Variants in DNAH5 observed in about 807,000 individuals in gnomAD.
The protein encoded by DNAH5 is dynein axonemal heavy chain 5, also known as axonemal beta dynein heavy chain 5.
In DNAH5, 372 loss-of-function variants were observed where a neutral mutation model predicts 518.2. That is an observed-to-expected ratio of 0.72 (90% CI 0.66 to 0.78). The LOEUF is 0.78. Ranked by LOEUF, DNAH5 falls within the 30% of genes least tolerant of loss-of-function variation. The pLI is 0.00. For synonymous variants in DNAH5, 2,039 were observed against 2,025.9 expected, an observed-to-expected ratio of 1.01 and a Z score of -0.17; for missense variants, 5,523 against 5,687.0, an observed-to-expected ratio of 0.97 and a Z score of 0.93.
intron 1 of DNAH5, among the ~76,000 whole-genome samples, chr5:13,974,670 G>T (rs1163046853): frequency 6.6e-6 from 1 of 152,114 alleles, no homozygotes; most frequent in African/African-American, 2.4e-5. Flanking sequence ...GTGCCTGCAT[G>T]ACACCCTTTG....
rs1447289286 is a variant in DNAH5 at position 13,753,531 on chromosome 5, G to A, written c.10574C>T (p.Thr3525Ile). The A allele has an allele frequency of 6.2e-7, 1 of 1,613,630 alleles. No homozygotes were observed. Among genetic ancestry groups the A allele is most frequent in the Non-Finnish European group, 8.5e-7 (1 of 1,179,800 alleles). ...KRLVGDVLLA[T>I]AFLSYSGPFN... is the part of the protein sequence containing the mutation. ...TGGACCAGAATAAGATAGAAAAGCTGTAGCCAACAGTACATCCCCTAAAAT... is the reference window on the plus strand; with the variant it reads ...TGGACCAGAATAAGATAGAAAAGCTATAGCCAACAGTACATCCCCTAAAAT... The change falls in exon 63 of 79, where the codon ACA becomes ATA. Residue 3525 changes from threonine to isoleucine, a missense_variant. Thr to Ile is a moderately conservative substitution (Grantham distance 89, BLOSUM62 -1). This residue lies in a region of DNAH5 where 5,121 missense variants were observed against 5,223.3 expected (regional missense o/e 0.98). Transcript: ENST00000265104.
At chr5:13,904,885 TG>T (rs892053283) in intron 12 of DNAH5, among the ~76,000 whole-genome samples, 107 of 152,128 alleles carry the variant, frequency 7.0e-4, no homozygotes, top group African/African-American at 2.5e-3. Context: ...CACTCCAGCC[TG>T]GGTGACAGAG....
chr5:13,766,140 C>G lies in DNAH5; in HGVS notation c.9937G>C (p.Gly3313Arg). ...PSDIATVRTL[G>R]RPPHLIMRIM... The stretch of plus-strand genomic sequence containing the variant: ...CGCATGATGAGGTGAGGGGGGCGGC[C>G]CAACGTGCGAACAGTGGCGATGTCC... Residue 3313 changes from glycine (G) to arginine (R), a missense_variant, in exon 59 of 79, where the codon GGC becomes CGC. Around this residue, in one of 3 missense-constraint regions of DNAH5, gnomAD observed 5,121 missense variants for 5,223.3 expected, o/e 0.98. Transcript: ENST00000265104. 2 of 1,614,156 alleles carry G rather than the reference C, an allele frequency of 1.2e-6. No homozygotes were observed. Among genetic ancestry groups the G allele is most frequent in the Non-Finnish European group, 1.7e-6 (2 of 1,180,018 alleles).
chr5:13,751,182 A>G lies in DNAH5; in HGVS notation c.11107T>C (p.Tyr3703His). ...YITTKLPNPA[Y>H]TPEISARTSI... ...GTACGGGCACTTATCTCAGGGGTGT[A>G]GGCTGGGTTAGGCAATTTGGTGGTA... Residue 3703 changes from tyrosine to histidine, a missense_variant, in exon 65 of 79, where the codon TAC becomes CAC. Around this residue, in one of 3 missense-constraint regions of DNAH5, gnomAD observed 5,121 missense variants for 5,223.3 expected, o/e 0.98. Coordinates refer to ENST00000265104, the MANE Select transcript of DNAH5 (RefSeq NM_001369.3). The G allele has an allele frequency of 1.9e-6, 3 of 1,613,998 alleles. No individual in the cohort carries two copies. The highest frequency in any genetic ancestry group is 1.3e-5 in the African/African-American group (1 of 75,032).
intron 47 of DNAH5, among the ~76,000 whole-genome samples, chr5:13,805,872 C>A (rs1278138950): frequency 6.6e-6 from 1 of 152,086 alleles, no homozygotes; most frequent in Non-Finnish European, 1.5e-5. Flanking sequence ...CTCTTGAGAA[C>A]CCCTGAGCTT....
chr5:13,786,185 T>C lies in DNAH5; in HGVS notation c.8814A>G (p.Leu2938=). The change falls in exon 52 of 79, where the codon TTA becomes TTG. Residue 2938 remains leucine (L), a synonymous_variant. Coordinates refer to ENST00000265104, the MANE Select transcript of DNAH5 (RefSeq NM_001369.3). The part of the protein sequence containing the change: ...MVFFADAMVH[L]VKISRVIRTP... Reference sequence around the variant, plus strand: ...CTCAGAGTGGCTACTGTACCTTGACTAAGTGAACCATGGCATCTGCAAAGA... The same window carrying C: ...CTCAGAGTGGCTACTGTACCTTGACCAAGTGAACCATGGCATCTGCAAAGA... 3 of 1,613,928 alleles carry C rather than the reference T, an allele frequency of 1.9e-6. No individual in the cohort carries two copies. The highest frequency in any genetic ancestry group is 1.7e-6 in the Non-Finnish European group (2 of 1,179,914).
At position 13,786,245 on chromosome 5, in the gene DNAH5, A is replaced by C; in HGVS notation, c.8754T>G (p.Asn2918Lys). 6.2e-7 allele frequency: 1 copy of C among 1,614,102 alleles called. No homozygotes were observed. The highest frequency in any genetic ancestry group is 8.5e-7 in the Non-Finnish European group (1 of 1,179,996). The change falls in exon 52 of 79, where the codon AAT (asparagine) becomes AAG (lysine). Residue 2918 changes from asparagine to lysine, a missense_variant. By Grantham distance (94) the Asn-to-Lys change is moderately conservative. This residue lies in a region of DNAH5 where 5,121 missense variants were observed against 5,223.3 expected (regional missense o/e 0.98). Coordinates refer to ENST00000265104, the MANE Select transcript of DNAH5 (RefSeq NM_001369.3). The stretch of plus-strand genomic sequence containing the variant: ...CCATGCCGGCGCCACGGATGCTCTC[A>C]TTATAGAGCTGCAGGAACATATTCA... ...ERLNMFLQLY[N>K]ESIRGAGMDM...
At chr5:13,794,576 GACACAGAGTGA>G (rs111962979) in intron 47 of DNAH5, among the ~76,000 whole-genome samples, 2,874 of 152,244 alleles carry the variant, frequency 0.019, 74 homozygotes, top group African/African-American at 0.065. Context: ...CTCATTCCCT[GACACAGAGTGA>G]ACAAAGCTCA....
At chr5:13,704,203 C>G (rs1463699544) in intron 76 of DNAH5, among the ~76,000 whole-genome samples, 2 of 152,174 alleles carry the variant, frequency 1.3e-5, no homozygotes, top group Non-Finnish European at 2.9e-5. Flanking sequence ...GGTGGAAAGA[C>G]AGAGATACAG....
chr5:13,830,882 T>G, intron 35 of DNAH5, 107 bp from the exon 36 acceptor site: 1 of 1,035,216 alleles, frequency 9.7e-7, no homozygotes, highest in Non-Finnish European at 1.5e-6. Flanking sequence ...CAAAAGGCCA[T>G]TGTCCCTACC....
chr5:13,894,522 T>C, intron 16 of DNAH5, 128 bp downstream of exon 16: 1 of 1,022,316 alleles, frequency 9.8e-7, no homozygotes. Flanking sequence ...CACTTCCTTA[T>C]GAAACAGCTT....
chr5:13,870,676 A>G (rs1769957922), intron 24 of DNAH5, 91 bp downstream of exon 24: 2 of 1,148,292 alleles, frequency 1.7e-6, no homozygotes, highest in African/African-American at 3.1e-5. Context: ...GTAACCATTT[A>G]GTAACTTCAC....
At chr5:13,851,650 C>T (rs1268226554) in intron 30 of DNAH5, among the ~76,000 whole-genome samples, 1 of 151,978 alleles carries the variant, frequency 6.6e-6, no homozygotes, top group Admixed American at 6.6e-5. Flanking sequence ...CTGTATGTCA[C>T]CAATGAGTAT....
intron 73 of DNAH5, 112 bp from the exon 74 acceptor site, chr5:13,716,802 C>T: frequency 1.3e-6 from 1 of 768,876 alleles, no homozygotes; most frequent in Non-Finnish European, 2.3e-6. Context: ...AGTCACTCTT[C>T]ATCAGTACTG....
chr5:13,747,277 C>A (rs1310746488), intron 65 of DNAH5, among the ~76,000 whole-genome samples: 1 of 152,120 alleles, frequency 6.6e-6, no homozygotes, highest in Non-Finnish European at 1.5e-5. Context: ...TTTTCTTAAT[C>A]CAGTCTATCA....
At chr5:13,740,056 G>A (rs1325453100) in intron 65 of DNAH5, among the ~76,000 whole-genome samples, 2 of 151,922 alleles carry the variant, frequency 1.3e-5, no homozygotes, top group African/African-American at 4.8e-5. Flanking sequence ...CCAGCAAATG[G>A]CAACACTATT....
At chr5:13,994,787 T>C (rs1783816586) in intron 1 of DNAH5, among the ~76,000 whole-genome samples, 2 of 152,238 alleles carry the variant, frequency 1.3e-5, no homozygotes. Flanking sequence ...GCTGCTCACC[T>C]AATTTGTCTA....
chr5:13,807,809 G>T, intron 46 of DNAH5, 84 bp from the exon 47 acceptor site: 2 of 1,194,070 alleles, frequency 1.7e-6, no homozygotes, highest in Non-Finnish European at 2.4e-6. Flanking sequence ...TTCATATGCT[G>T]AATCTTCAAC....
In DNAH5 at chr5:13,708,116, T is replaced by C. The variant is rs1284164674; in HGVS notation, c.13338+7A>G. The C allele has an allele frequency of 6.2e-7, 1 of 1,613,960 alleles. No homozygotes were observed. Among genetic ancestry groups the C allele is most frequent in the South Asian group, 1.1e-5 (1 of 91,032 alleles). On this transcript the variant is annotated splice_region_variant and intron_variant, in intron 76 of 78. Coordinates refer to ENST00000265104, the MANE Select transcript of DNAH5 (RefSeq NM_001369.3). ...AACAGGCAGAATAACAGCAGGCTTATACGTACTTTTTTCCACCAAGCAGGG... is the reference window on the plus strand; with the variant it reads ...AACAGGCAGAATAACAGCAGGCTTACACGTACTTTTTTCCACCAAGCAGGG...
Sources: allele counts gnomAD v4.1 joint callset (sites outside exome capture counted in the v4.1 genomes callset), GRCh38; gene constraint gnomAD v4.1.1; regional missense constraint gnomAD v4.1.1; transcripts MANE v1.5; gene names NCBI Gene and HGNC (gene_info 2026-07-23, HGNC 2026-07-21).